Variants in PINX1 observed in about 807,000 individuals in gnomAD.
PINX1 encodes the protein PIN2 (TERF1) interacting telomerase inhibitor 1.
In PINX1, 34 loss-of-function variants were observed where a neutral mutation model predicts 25.4. The ratio of observed to expected loss-of-function variants is 1.34; its 90% CI spans 1.02 to 1.78. The LOEUF is 1.78. Ranked by LOEUF, PINX1 falls within the 40% of genes most tolerant of loss-of-function variation. PINX1 has a pLI of 0.00. For synonymous variants in PINX1, 197 were observed against 147.7 expected, an observed-to-expected ratio of 1.33 and a Z score of -2.42; for missense variants, 592 against 404.9, an observed-to-expected ratio of 1.46 and a Z score of -3.97.
At chr8:10,825,463 G>A (rs768430884) in intron 5 of PINX1, 1 of 534,710 alleles carries the variant, frequency 1.9e-6, no homozygotes, top group East Asian at 5.4e-5. Flanking sequence ...ACAAACTGGG[G>A]AGTTGGTTCT....
intron 6 of PINX1, among the ~76,000 whole-genome samples, chr8:10,797,463 T>C (rs1167680328): frequency 6.6e-6 from 1 of 152,150 alleles, no homozygotes; most frequent in Non-Finnish European, 1.5e-5. Flanking sequence ...TTTGAACACA[T>C]GGTTATAGGA....
chr8:10,834,591 C>A, intron 2 of PINX1, 75 bp downstream of exon 2: 1 of 1,542,266 alleles, frequency 6.5e-7, no homozygotes, highest in Non-Finnish European at 8.7e-7. Flanking sequence ...TTCCAGTCTC[C>A]TAAGAAGGAA....
intron 5 of PINX1, among the ~76,000 whole-genome samples, chr8:10,821,072 G>A (rs1029175749): frequency 2.6e-5 from 4 of 152,178 alleles, no homozygotes; most frequent in Non-Finnish European, 5.9e-5. Flanking sequence ...ATTTGTCAAC[G>A]GCATGGTAAA....
chr8:10,821,314 C>A (rs1029441784), intron 5 of PINX1, among the ~76,000 whole-genome samples: 3 of 152,216 alleles, frequency 2.0e-5, no homozygotes, highest in Admixed American at 2.0e-4. Flanking sequence ...CTCAGTGACT[C>A]CGTGAAATTA....
chr8:10,777,899 TC>T, intron 6 of PINX1, among the ~76,000 whole-genome samples: 1 of 152,174 alleles, frequency 6.6e-6, no homozygotes, highest in Non-Finnish European at 1.5e-5. Flanking sequence ...GCGGGTGCCT[TC>T]CACAGGCACG....
chr8:10,829,624 G>C (rs1316117413), intron 4 of PINX1, among the ~76,000 whole-genome samples: 1 of 152,036 alleles, frequency 6.6e-6, no homozygotes, highest in Non-Finnish European at 1.5e-5. Flanking sequence ...TCTGGTGTTT[G>C]TCTCTAAACC....
intron 5 of PINX1, among the ~76,000 whole-genome samples, chr8:10,822,456 A>T (rs1384584480): frequency 6.6e-6 from 1 of 152,244 alleles, no homozygotes; most frequent in Non-Finnish European, 1.5e-5. Flanking sequence ...TCAATGCGTA[A>T]CATTTCCAGA....
At chr8:10,822,832 G>A (rs1315771984) in intron 5 of PINX1, among the ~76,000 whole-genome samples, 1 of 152,092 alleles carries the variant, frequency 6.6e-6, no homozygotes, top group Non-Finnish European at 1.5e-5. Flanking sequence ...AAGAAGTGAA[G>A]GGCAAGGAAT....
chr8:10,829,032 A>G (rs545123018), intron 4 of PINX1, among the ~76,000 whole-genome samples: 20 of 152,210 alleles, frequency 1.3e-4, no homozygotes, highest in Non-Finnish European at 2.8e-4. Flanking sequence ...TAAAGCCTGT[A>G]ACCCCAGCAC....
chr8:10,767,856 T>C (rs1449563867), intron 6 of PINX1, among the ~76,000 whole-genome samples: 36 of 71,726 alleles, frequency 5.0e-4, no homozygotes, highest in Non-Finnish European at 8.4e-4. Context: ...AGAGACAGGC[T>C]CGGTGACCAG....
intron 4 of PINX1, among the ~76,000 whole-genome samples, chr8:10,827,635 G>A (rs754769297): frequency 2.0e-5 from 3 of 151,964 alleles, no homozygotes; most frequent in Non-Finnish European, 4.4e-5. Context: ...AGCCGGGCGC[G>A]GTGGCTCATG....
chr8:10,826,336 G>C (rs1483492755), intron 4 of PINX1, 92 bp from the exon 5 acceptor site: 1 of 639,636 alleles, frequency 1.6e-6, no homozygotes, highest in Non-Finnish European at 2.7e-6. Context: ...GAAAATTTTA[G>C]GAGCCCTATC....
At chr8:10,829,100 A>G (rs1219335785) in intron 4 of PINX1, among the ~76,000 whole-genome samples, 2 of 152,138 alleles carry the variant, frequency 1.3e-5, no homozygotes, top group African/African-American at 4.8e-5. Context: ...AGCCTGACCA[A>G]CATGGTGAAA....
chr8:10,834,932 G>A (rs1457168366), intron 1 of PINX1, among the ~76,000 whole-genome samples, 157 bp from the exon 2 acceptor site: 1 of 152,218 alleles, frequency 6.6e-6, no homozygotes, highest in South Asian at 2.1e-4. Flanking sequence ...CAGAATGTTA[G>A]ACTGGATCAT....
intron 6 of PINX1, among the ~76,000 whole-genome samples, chr8:10,806,511 T>C (rs1366616836): frequency 6.6e-6 from 1 of 152,192 alleles, no homozygotes; most frequent in Non-Finnish European, 1.5e-5. Context: ...AAACAGTTTA[T>C]AACATTGTGG....
chr8:10,813,238 T>A (rs1797591232), intron 6 of PINX1, among the ~76,000 whole-genome samples: 1 of 151,922 alleles, frequency 6.6e-6, no homozygotes, highest in African/African-American at 2.4e-5. Flanking sequence ...GGGGGGAGGG[T>A]AGAGCGATAG....
chr8:10,836,690 G>C (rs1798416997), intron 1 of PINX1, among the ~76,000 whole-genome samples: 1 of 152,218 alleles, frequency 6.6e-6, no homozygotes, highest in African/African-American at 2.4e-5. Flanking sequence ...GGATGTTGGG[G>C]GGGCGGGGGG....
chr8:10,773,018 G>C (rs996163521), intron 6 of PINX1, among the ~76,000 whole-genome samples: 1 of 151,812 alleles, frequency 6.6e-6, no homozygotes, highest in African/African-American at 2.4e-5. Context: ...TCAAATACCA[G>C]TGTCCTTAAA....
intron 6 of PINX1, among the ~76,000 whole-genome samples, chr8:10,779,069 G>C (rs908657637): frequency 2.0e-5 from 3 of 152,220 alleles, no homozygotes; most frequent in African/African-American, 4.8e-5. Flanking sequence ...TTTTGGAATG[G>C]AGGGTAGCGG....
Sources: allele counts gnomAD v4.1 joint callset (sites outside exome capture counted in the v4.1 genomes callset), GRCh38; gene constraint gnomAD v4.1.1; transcripts MANE v1.5; gene names NCBI Gene and HGNC (gene_info 2026-07-23, HGNC 2026-07-21).